ATXN1: variants seen among roughly 807,000 people sequenced by gnomAD.
ATXN1 encodes ataxin-1.
In ATXN1, 8 loss-of-function variants were observed where a neutral mutation model predicts 56.4. The observed-to-expected ratio is 0.14, with a 90% CI of 0.08 to 0.26. The LOEUF (loss-of-function observed/expected upper bound fraction) is 0.26, where lower values mean the gene tolerates loss of function less well. Ranked by LOEUF, ATXN1 falls within the 10% of genes least tolerant of loss-of-function variation. ATXN1 has a pLI of 1.00. For synonymous variants in ATXN1, 514 were observed against 494.6 expected (o/e 1.04, Z -0.52); for missense variants, 987 against 1,106.5 (o/e 0.89, Z 1.53).
At position 16,332,104 on chromosome 6, in the gene ATXN1, A is replaced by G. The variant is rs149270786; in HGVS notation, c.-160-3634T>C. 4.0e-4 allele frequency among the ~76,000 whole-genome samples: 61 copies of G among 152,348 alleles called. No individual in the cohort carries two copies. In the East Asian group the frequency reaches 0.01, roughly 26 times the overall value. On this transcript the variant is annotated intron_variant, in intron 6 of 7. Coordinates refer to ENST00000436367, the MANE Select transcript of ATXN1 (RefSeq NM_001128164.2). ...CAGCAGTTGCAGCGAGCTGGGGCCA[A>G]ACCGATAAAAGTTTCCACCCATCCT...
chr6:16,622,687 T>C (rs910128916), intron 3 of ATXN1, among the ~76,000 whole-genome samples: 2 of 152,170 alleles, frequency 1.3e-5, no homozygotes, highest in African/African-American at 2.4e-5. Flanking sequence ...ATCTTTCTGT[T>C]GGTTTTTAGC....
In ATXN1 at chr6:16,303,234, C is replaced by T. The variant is rs750469251; in HGVS notation, c.*3095G>A. 4 of 152,480 alleles carry T rather than the reference C, an allele frequency of 2.6e-5. No homozygotes were observed. The highest frequency in any genetic ancestry group is 5.9e-5 in the Non-Finnish European group (4 of 68,146). The allele number at this position is 152,480 out of a possible 1,614,324, so 9.4% of individuals were successfully genotyped here. A position where few individuals can be genotyped will look rare whatever the true frequency, so the allele number is the denominator to read the frequency against. On this transcript the variant is annotated 3_prime_UTR_variant, in exon 8 of 8. Coordinates refer to ENST00000436367, the MANE Select transcript of ATXN1 (RefSeq NM_001128164.2). The surrounding 1 kb of genome is among the most constrained non-coding windows in gnomAD (Gnocchi z 4.3). ...TCCAGAGTGCGTCTTAGAAATGAATCTGCCTCCTTCCTCTCCACACTCCAC... is the reference window on the plus strand; with the variant it reads ...TCCAGAGTGCGTCTTAGAAATGAATTTGCCTCCTTCCTCTCCACACTCCAC...
intron 5 of ATXN1, among the ~76,000 whole-genome samples, chr6:16,499,238 T>C (rs1459965050): frequency 6.6e-6 from 1 of 152,208 alleles, no homozygotes; most frequent in Non-Finnish European, 1.5e-5. Flanking sequence ...CTTTTTCCAT[T>C]GTCTCAGCAC....
chr6:16,305,226 A>G lies in ATXN1; in HGVS notation c.*1103T>C, dbSNP rs1224010875. On this transcript the variant is annotated 3_prime_UTR_variant, in exon 8 of 8. Transcript: ENST00000436367. ...TATTTTTAAATGCTTAAAGATAGTAATATATGCTCATCTTCAAAATCTAAT... is the reference window on the plus strand; with the variant it reads ...TATTTTTAAATGCTTAAAGATAGTAGTATATGCTCATCTTCAAAATCTAAT... 6.6e-6 allele frequency: 1 copy of G among 152,570 alleles called. No individual in the cohort carries two copies. Among genetic ancestry groups the G allele is most frequent in the Non-Finnish European group, 1.5e-5 (1 of 68,016 alleles). 9.5% of individuals were successfully genotyped at this position (152,570 alleles called of 1,614,324 possible).
In ATXN1 at chr6:16,686,528, A is replaced by G. The variant is rs79988973; in HGVS notation, c.-614-28627T>C. On this transcript the variant is annotated intron_variant, in intron 2 of 7. Transcript: ENST00000436367. ...CATTATGCCGAAAAGAGATATTTAT[A>G]TAGAAGGGAATTACTTAGGACATGC... is the stretch of plus-strand genomic sequence containing the variant. Among the ~76,000 whole-genome samples the G allele has an allele frequency of 5.9e-3, 900 of 152,334 alleles. 10 individuals carry two copies. The highest frequency in any genetic ancestry group is 0.02 in the African/African-American group (840 of 41,568).
At chr6:16,559,440 A>G (rs1762075020) in intron 4 of ATXN1, among the ~76,000 whole-genome samples, 1 of 152,128 alleles carries the variant, frequency 6.6e-6, no homozygotes, top group Non-Finnish European at 1.5e-5. Flanking sequence ...ATCGAATACT[A>G]TTTAGATACT....
At chr6:16,580,978 G>T (rs964467857) in intron 4 of ATXN1, among the ~76,000 whole-genome samples, 1 of 152,058 alleles carries the variant, frequency 6.6e-6, no homozygotes, top group South Asian at 2.1e-4. Flanking sequence ...AATATCAGTA[G>T]GATTTTCTTA....
intron 2 of ATXN1, among the ~76,000 whole-genome samples, chr6:16,706,824 C>T (rs1472108157): frequency 6.6e-6 from 1 of 152,054 alleles, no homozygotes; most frequent in Non-Finnish European, 1.5e-5. Context: ...TTCAGGCCTC[C>T]TAACTTTCTC....
intron 7 of ATXN1, among the ~76,000 whole-genome samples, chr6:16,325,613 C>G (rs1760784884): frequency 6.6e-6 from 1 of 152,056 alleles, no homozygotes; most frequent in African/African-American, 2.4e-5. Context: ...CCTGGGGCTT[C>G]CCCAGGTGCC....
chr6:16,495,158 T>G (rs190392250), intron 5 of ATXN1, among the ~76,000 whole-genome samples: 1 of 152,366 alleles, frequency 6.6e-6, no homozygotes, highest in African/African-American at 2.4e-5. Flanking sequence ...GATGCTAATG[T>G]GTGCAGTCCA....
At chr6:16,606,720 G>T (rs3793099) in intron 3 of ATXN1, among the ~76,000 whole-genome samples, 1 of 151,050 alleles carries the variant, frequency 6.6e-6, no homozygotes, top group South Asian at 2.1e-4. Context: ...AGTAGAGATG[G>T]GGTTTCGCCG....
chr6:16,454,125 C>CAAAAAAAAAAAAAAA (rs56277549), intron 6 of ATXN1, among the ~76,000 whole-genome samples: 13 of 76,666 alleles, frequency 1.7e-4, no homozygotes, highest in Non-Finnish European at 3.0e-4. Flanking sequence ...GACTCTGTCT[C>CAAAAAAAAAAAAAAA]AAAAAAAAAA....
intron 6 of ATXN1, among the ~76,000 whole-genome samples, chr6:16,439,391 T>TGGGGGGGGGGGGG (rs1470984574): frequency 7.5e-4 from 1 of 1,326 alleles, no homozygotes; most frequent in African/African-American, 3.6e-3. Flanking sequence ...GAATAAGGGT[T>TGGGGGGGGGGGGG]GGGGTGGGGT....
intron 3 of ATXN1, among the ~76,000 whole-genome samples, chr6:16,655,850 G>A (rs1382452604): frequency 1.3e-5 from 2 of 151,978 alleles, no homozygotes; most frequent in Non-Finnish European, 2.9e-5. Flanking sequence ...AGCACTTTGG[G>A]AGGCTGAGGC....
chr6:16,402,242 G>GTTTTTTTT (rs58048762), intron 6 of ATXN1, among the ~76,000 whole-genome samples: 2 of 62,118 alleles, frequency 3.2e-5, no homozygotes, highest in African/African-American at 6.7e-5. Context: ...ACCACTGACA[G>GTTTTTTTT]TTTTTTTTTT....
rs1461952329 is a variant in ATXN1 at position 16,624,544 on chromosome 6, A to G, written c.-489+33232T>C. Among the ~76,000 whole-genome samples, 3 of 152,100 alleles carry G rather than the reference A, an allele frequency of 2.0e-5. No homozygotes were observed. In the East Asian group the frequency reaches 5.8e-4, roughly 29 times the overall value. ...AAAAGTGGCGGTGTTTTGTTTCAGTATTAGGTCGGGTTCAAGCAAACAGAA... is the reference window on the plus strand; with the variant it reads ...AAAAGTGGCGGTGTTTTGTTTCAGTGTTAGGTCGGGTTCAAGCAAACAGAA... On this transcript the variant is annotated intron_variant, in intron 3 of 7. Coordinates refer to ENST00000436367, the MANE Select transcript of ATXN1 (RefSeq NM_001128164.2).
chr6:16,713,041 T>C (rs1357463194), intron 2 of ATXN1, among the ~76,000 whole-genome samples: 2 of 152,220 alleles, frequency 1.3e-5, no homozygotes, highest in Admixed American at 6.5e-5. Context: ...ATAAGCATAG[T>C]TGATGAAGCA....
intron 2 of ATXN1, among the ~76,000 whole-genome samples, chr6:16,731,737 T>C (rs994849734): frequency 2.6e-5 from 4 of 152,060 alleles, no homozygotes; most frequent in African/African-American, 9.7e-5. Context: ...TCTAATTGTA[T>C]TGCCGTTTCC....
intron 6 of ATXN1, among the ~76,000 whole-genome samples, chr6:16,433,849 C>T (rs978723326): frequency 2.0e-5 from 3 of 152,216 alleles, no homozygotes; most frequent in Admixed American, 6.5e-5. Flanking sequence ...AGGCGAGCCA[C>T]GGATCGGCTC....
Sources: gnomAD v4.1 joint callset for allele counts (sites outside exome capture counted in the v4.1 genomes callset) on GRCh38, gnomAD v4.1.1 for gene constraint, Gnocchi (gnomAD v3.1) non-coding constraint, MANE v1.5 for transcripts, NCBI Gene and HGNC (gene_info 2026-07-23, HGNC 2026-07-21) for gene names.